Variants in DLGAP1 observed in about 807,000 individuals in gnomAD.
DLGAP1 encodes DLG associated protein 1.
DLGAP1 carries 11 observed loss-of-function variants against 90.8 expected under a neutral mutation model. That is an observed-to-expected ratio of 0.12 (90% CI 0.08 to 0.20). The LOEUF (loss-of-function observed/expected upper bound fraction) is 0.20, where lower values mean the gene tolerates loss of function less well. DLGAP1 is among the 10% of genes least tolerant of loss of function. DLGAP1 has a pLI of 1.00. For missense variants in DLGAP1, 1,050 were observed against 1,333.8 expected, an observed-to-expected ratio of 0.79 and a Z score of 3.31; for synonymous variants, 558 against 540.7, an observed-to-expected ratio of 1.03 and a Z score of -0.44.
intron 1 of DLGAP1, among the ~76,000 whole-genome samples, chr18:4,441,987 C>G (rs1296139493): frequency 6.6e-6 from 1 of 151,994 alleles, no homozygotes; most frequent in East Asian, 1.9e-4. Context: ...CATCATATCA[C>G]TTTTTTGTTT....
At chr18:4,335,457 A>C (rs954252703) in intron 1 of DLGAP1, among the ~76,000 whole-genome samples, 4 of 151,946 alleles carry the variant, frequency 2.6e-5, no homozygotes, top group African/African-American at 9.7e-5. Flanking sequence ...TCACAAAGCC[A>C]AGAAGCCTCA....
At chr18:3,767,190 C>G (rs2064286975) in intron 5 of DLGAP1, among the ~76,000 whole-genome samples, 1 of 152,010 alleles carries the variant, frequency 6.6e-6, no homozygotes, top group Non-Finnish European at 1.5e-5. Context: ...ACAAAAATTA[C>G]CACAATTCAC....
intron 1 of DLGAP1, among the ~76,000 whole-genome samples, chr18:4,444,615 G>A (rs559667621): frequency 6.6e-6 from 1 of 152,104 alleles, no homozygotes; most frequent in Admixed American, 6.5e-5. Context: ...AATGATAAAG[G>A]AACATGAAAT....
chr18:3,743,353 A>T (rs985724615), intron 5 of DLGAP1, among the ~76,000 whole-genome samples: 9 of 151,634 alleles, frequency 5.9e-5, no homozygotes, highest in African/African-American at 1.9e-4. Context: ...ATTTAATTTT[A>T]ATTTTTTTTT....
chr18:4,268,539 GATTA>G (rs960638445), intron 1 of DLGAP1, among the ~76,000 whole-genome samples: 16 of 152,108 alleles, frequency 1.1e-4, no homozygotes, highest in Admixed American at 1.0e-3. Flanking sequence ...TATAGTACCA[GATTA>G]ATTTTCTATT....
chr18:4,322,571 C>T (rs1017535396), intron 1 of DLGAP1, among the ~76,000 whole-genome samples: 2 of 152,124 alleles, frequency 1.3e-5, no homozygotes, highest in African/African-American at 4.8e-5. Flanking sequence ...GAAAGCTCCA[C>T]AACAGTAATC....
intron 10 of DLGAP1, among the ~76,000 whole-genome samples, chr18:3,521,673 C>T (rs1038906154): frequency 2.6e-4 from 39 of 152,318 alleles, no homozygotes; most frequent in African/African-American, 7.5e-4. Context: ...GCATAGCTGT[C>T]TCTGCCTTTT....
chr18:4,248,175 T>C (rs2078694487), intron 1 of DLGAP1, among the ~76,000 whole-genome samples: 1 of 152,066 alleles, frequency 6.6e-6, no homozygotes, highest in African/African-American at 2.4e-5. Flanking sequence ...TATCTTGGGG[T>C]TCCTGTGCAA....
chr18:4,083,839 G>A (rs1241439088), intron 2 of DLGAP1, among the ~76,000 whole-genome samples: 1 of 152,114 alleles, frequency 6.6e-6, no homozygotes, highest in Non-Finnish European at 1.5e-5. Context: ...GTAGGCAAGT[G>A]TTACAGGGTG....
chr18:3,659,596 C>T (rs1275085486), intron 7 of DLGAP1, among the ~76,000 whole-genome samples: 1 of 151,228 alleles, frequency 6.6e-6, no homozygotes, highest in Non-Finnish European at 1.5e-5. Context: ...GACAGAATCT[C>T]CCTCTGTCGC....
chr18:4,182,439 A>G (rs1304295677), intron 1 of DLGAP1, among the ~76,000 whole-genome samples: 3 of 152,154 alleles, frequency 2.0e-5, no homozygotes, highest in Non-Finnish European at 2.9e-5. Flanking sequence ...TTTCTCTGCC[A>G]GTTATTTTCC....
chr18:3,563,986 T>G (rs1414780047), intron 9 of DLGAP1, among the ~76,000 whole-genome samples: 3 of 152,238 alleles, frequency 2.0e-5, no homozygotes, highest in Non-Finnish European at 4.4e-5. Context: ...TCTGCTTCTT[T>G]CATTAGAGCC....
At chr18:3,725,891 T>C (rs1247264727) in intron 7 of DLGAP1, among the ~76,000 whole-genome samples, 2 of 152,176 alleles carry the variant, frequency 1.3e-5, no homozygotes, top group East Asian at 3.8e-4. Context: ...CATAATTCTC[T>C]CTTGTGGCAT....
At chr18:3,658,471 G>C (rs1275957351) in intron 7 of DLGAP1, among the ~76,000 whole-genome samples, 1 of 152,056 alleles carries the variant, frequency 6.6e-6, no homozygotes, top group Admixed American at 6.5e-5. Flanking sequence ...TCATAAAGGG[G>C]GTAATCATTT....
At chr18:3,938,344 G>A (rs531793397) in intron 3 of DLGAP1, among the ~76,000 whole-genome samples, 34 of 152,198 alleles carry the variant, frequency 2.2e-4, no homozygotes, top group African/African-American at 8.2e-4. Context: ...AGGTATGAGG[G>A]AAAATAAAGA....
At chr18:3,780,695 C>T (rs1349292442) in intron 5 of DLGAP1, among the ~76,000 whole-genome samples, 9 of 152,154 alleles carry the variant, frequency 5.9e-5, no homozygotes, top group Non-Finnish European at 1.0e-4. Context: ...TCACAGGTTC[C>T]GGCATTAAGA....
chr18:3,525,987 T>C (rs1011709787), intron 10 of DLGAP1, among the ~76,000 whole-genome samples: 1 of 152,198 alleles, frequency 6.6e-6, no homozygotes, highest in Admixed American at 6.5e-5. Flanking sequence ...GCGGCATGAA[T>C]GGAGCATTCT....
At chr18:3,864,363 T>C (rs1013546379) in intron 4 of DLGAP1, among the ~76,000 whole-genome samples, 1 of 152,198 alleles carries the variant, frequency 6.6e-6, no homozygotes, top group African/African-American at 2.4e-5. Context: ...CTCAGTTCCT[T>C]AGAAGTCCCT....
chr18:3,546,169 A>T (rs150210244), intron 9 of DLGAP1, among the ~76,000 whole-genome samples: 1,624 of 152,198 alleles, frequency 0.011, 31 homozygotes, highest in African/African-American at 0.037. Context: ...CACGCCTGTA[A>T]CCTCAGCAGT....
Sources: allele counts gnomAD v4.1 joint callset (sites outside exome capture counted in the v4.1 genomes callset), GRCh38; gene constraint gnomAD v4.1.1; transcripts MANE v1.5; gene names NCBI Gene and HGNC (gene_info 2026-07-23, HGNC 2026-07-21).